Variants in EPB41L4A observed in about 807,000 individuals in gnomAD.
EPB41L4A encodes band 4.1-like protein 4A.
In EPB41L4A, 100 loss-of-function variants were observed where a neutral mutation model predicts 108.6. The ratio of observed to expected loss-of-function variants is 0.92; its 90% CI spans 0.78 to 1.09. The LOEUF (loss-of-function observed/expected upper bound fraction) is 1.09, where lower values mean the gene tolerates loss of function less well. EPB41L4A is among the 50% of genes least tolerant of loss of function. The pLI is 0.00. For missense variants in EPB41L4A, 1,030 were observed against 842.7 expected, an observed-to-expected ratio of 1.22 and a Z score of -2.75; for synonymous variants, 319 against 289.0, an observed-to-expected ratio of 1.10 and a Z score of -1.05.
intron 1 of EPB41L4A, among the ~76,000 whole-genome samples, chr5:112,418,488 T>G (rs1448011896): frequency 6.6e-6 from 1 of 152,076 alleles, no homozygotes; most frequent in Non-Finnish European, 1.5e-5. Flanking sequence ...ACAATCACAA[T>G]GACCCATTAA....
At chr5:112,176,467 C>A (rs561266687) in intron 18 of EPB41L4A, among the ~76,000 whole-genome samples, 8 of 152,152 alleles carry the variant, frequency 5.3e-5, no homozygotes, top group Non-Finnish European at 1.0e-4. Context: ...CTCTCCCCCC[C>A]AAAACATTCC....
chr5:112,239,801 C>A (rs958814725), intron 10 of EPB41L4A, 64 bp from the exon 11 acceptor site: 3 of 1,048,518 alleles, frequency 2.9e-6, no homozygotes, highest in South Asian at 1.4e-5. Flanking sequence ...GGGCCACCCC[C>A]TTCTCCTAAC....
intron 1 of EPB41L4A, among the ~76,000 whole-genome samples, chr5:112,329,139 T>A (rs1373572606): frequency 1.3e-5 from 2 of 152,316 alleles, no homozygotes; most frequent in East Asian, 1.9e-4. Flanking sequence ...ACTATAAATA[T>A]AAAATACACA....
intron 2 of EPB41L4A, among the ~76,000 whole-genome samples, chr5:112,297,130 C>T (rs1014736823): frequency 6.6e-6 from 1 of 151,978 alleles, no homozygotes; most frequent in Non-Finnish European, 1.5e-5. Context: ...TTTCGTATGA[C>T]TTCTTTTCCT....
chr5:112,355,922 A>T (rs1009628026), intron 1 of EPB41L4A, among the ~76,000 whole-genome samples: 3 of 152,226 alleles, frequency 2.0e-5, no homozygotes, highest in Non-Finnish European at 4.4e-5. Context: ...CAAGTGATTC[A>T]TGAAGCTTTG....
intron 12 of EPB41L4A, among the ~76,000 whole-genome samples, chr5:112,153,503 A>G (rs1481304629): frequency 6.6e-6 from 1 of 150,588 alleles, no homozygotes; most frequent in Non-Finnish European, 1.5e-5. Flanking sequence ...CACTCCAGCC[A>G]GGGCAACAGA....
intron 13 of EPB41L4A, chr5:112,145,824 A>T (rs144444276): frequency 4.7e-6 from 2 of 430,006 alleles, no homozygotes; most frequent in East Asian, 7.1e-5. Context: ...CCTCCATTTG[A>T]TATCAATCTA....
chr5:112,341,675 G>A (rs1757325956), intron 1 of EPB41L4A, among the ~76,000 whole-genome samples: 1 of 152,064 alleles, frequency 6.6e-6, no homozygotes, highest in Non-Finnish European at 1.5e-5. Flanking sequence ...ACTTTGGGAG[G>A]CTGAGGCAGG....
intron 2 of EPB41L4A, among the ~76,000 whole-genome samples, chr5:112,292,162 T>TC (rs1753684081): frequency 6.6e-6 from 1 of 152,206 alleles, no homozygotes; most frequent in Admixed American, 6.5e-5. Flanking sequence ...TGGCTCTTAC[T>TC]CACCATTGTG....
At chr5:112,160,662 C>T (rs1383872438), downstream of EPB41L4A, 3 of 153,836 alleles carry the variant, frequency 2.0e-5, no homozygotes. Context: ...CACACATCCG[C>T]AGAGGTGACT....
At chr5:112,208,183 T>C (rs1580434371) in intron 13 of EPB41L4A, among the ~76,000 whole-genome samples, 1 of 141,938 alleles carries the variant, frequency 7.0e-6, no homozygotes, top group South Asian at 2.2e-4. Context: ...GATGCGGAGG[T>C]TGCAGTGAGT....
chr5:112,333,616 T>C lies in EPB41L4A; in HGVS notation c.100-26126A>G, dbSNP rs563144875. Among the ~76,000 whole-genome samples, 246 of 152,200 alleles carry C rather than the reference T, an allele frequency of 1.6e-3. 6 individuals are homozygous for C. The South Asian group carries it at 0.049, about 30-fold the overall frequency. On this transcript the variant is annotated intron_variant, in intron 1 of 22. Transcript: ENST00000261486. ...TGCCTGACTCTCTGGTCCTGTTTTC[T>C]CCCCCACTCTCTCCCCTCCACTCAC...
At chr5:112,293,787 T>C (rs62364140) in intron 2 of EPB41L4A, among the ~76,000 whole-genome samples, 10,577 of 152,258 alleles carry the variant, frequency 0.069, 444 homozygotes, top group Middle Eastern at 0.095. Context: ...ATTTCAGGCA[T>C]GTCAGCTGCT....
intron 17 of EPB41L4A, among the ~76,000 whole-genome samples, chr5:112,190,320 TTACA>T (rs1761633099): frequency 1.3e-5 from 2 of 152,034 alleles, no homozygotes; most frequent in African/African-American, 4.8e-5. Context: ...GGGGGGGGTG[TTACA>T]TAAACACCCC....
intron 1 of EPB41L4A, among the ~76,000 whole-genome samples, chr5:112,407,776 C>A (rs368999535): frequency 1.8e-4 from 27 of 152,162 alleles, no homozygotes; most frequent in Non-Finnish European, 3.5e-4. Flanking sequence ...AATATTCAAG[C>A]ACAGTTTTAA....
At chr5:112,316,235 A>G (rs933462481) in intron 1 of EPB41L4A, among the ~76,000 whole-genome samples, 5 of 152,254 alleles carry the variant, frequency 3.3e-5, no homozygotes, top group African/African-American at 1.2e-4. Flanking sequence ...CCAGCTTCAC[A>G]GAATGATAAC....
intron 1 of EPB41L4A, among the ~76,000 whole-genome samples, chr5:112,344,354 G>A (rs1387874265): frequency 6.6e-6 from 1 of 152,104 alleles, no homozygotes; most frequent in South Asian, 2.1e-4. Flanking sequence ...ACACTTACTA[G>A]AACATTAATT....
At chr5:112,230,767 G>A (rs1748856611) in intron 12 of EPB41L4A, among the ~76,000 whole-genome samples, 1 of 152,060 alleles carries the variant, frequency 6.6e-6, no homozygotes, top group Non-Finnish European at 1.5e-5. Flanking sequence ...TGTTGCATTT[G>A]TTTTTGGGTT....
At chr5:112,363,879 C>T (rs1391146289) in intron 1 of EPB41L4A, among the ~76,000 whole-genome samples, 1 of 152,146 alleles carries the variant, frequency 6.6e-6, no homozygotes, top group Non-Finnish European at 1.5e-5. Context: ...ACCATTCATG[C>T]CATATTTTCA....
Sources: allele counts gnomAD v4.1 joint callset (sites outside exome capture counted in the v4.1 genomes callset), GRCh38; gene constraint gnomAD v4.1.1; transcripts MANE v1.5; gene names NCBI Gene and HGNC (gene_info 2026-07-23, HGNC 2026-07-21).